The following GALNT14 variants were observed in gnomAD, a reference collection of about 807,000 sequenced individuals.
The protein encoded by GALNT14 is polypeptide N-acetylgalactosaminyltransferase 14, also known as UDP-GalNAc:polypeptide N-acetylgalactosaminyltransferase 14.
In GALNT14, 60 loss-of-function variants were observed where a neutral mutation model predicts 77.5. The observed-to-expected ratio is 0.77, with a 90% CI of 0.63 to 0.96. The LOEUF (loss-of-function observed/expected upper bound fraction) is 0.96, where lower values mean the gene tolerates loss of function less well. Ranked by LOEUF, GALNT14 falls within the 40% of genes least tolerant of loss-of-function variation. GALNT14 has a pLI of 0.00. For synonymous variants in GALNT14, 280 were observed against 281.7 expected (o/e 0.99, Z 0.06); for missense variants, 710 against 731.0 (o/e 0.97, Z 0.33).
At chr2:31,125,329 T>C (rs1678653767) in intron 1 of GALNT14, 1 of 1,057,348 alleles carries the variant, frequency 9.5e-7, no homozygotes, top group African/African-American at 1.6e-5. Context: ...TTCACAGAGA[T>C]CTTACCCCTC....
chr2:31,113,144 T>C (rs895681602), intron 1 of GALNT14, among the ~76,000 whole-genome samples: 5 of 152,218 alleles, frequency 3.3e-5, no homozygotes, highest in African/African-American at 1.2e-4. Context: ...GAAGTTTCTA[T>C]CATTCACTGT....
chr2:30,951,284 T>C (rs573245921), intron 6 of GALNT14, among the ~76,000 whole-genome samples: 2 of 152,282 alleles, frequency 1.3e-5, no homozygotes, highest in Admixed American at 1.3e-4. Context: ...CCAATATCCA[T>C]ACAACATGGA....
chr2:30,959,049 T>C (rs1488741853), intron 3 of GALNT14, among the ~76,000 whole-genome samples: 7 of 152,114 alleles, frequency 4.6e-5, no homozygotes, highest in South Asian at 2.1e-4. Flanking sequence ...CCACCTCCCA[T>C]GCCCAGTGCC....
intron 1 of GALNT14, among the ~76,000 whole-genome samples, chr2:31,066,763 C>T (rs1166286346): frequency 6.6e-6 from 1 of 152,038 alleles, no homozygotes; most frequent in Admixed American, 6.5e-5. Flanking sequence ...ACCCCCCACC[C>T]CCCACCAAGG....
At chr2:30,898,382 G>A in the GALNT14 span, among the ~76,000 whole-genome samples, 1 of 152,212 alleles carries the variant, frequency 6.6e-6, no homozygotes, top group Non-Finnish European at 1.5e-5. Flanking sequence ...GGGACCTGAT[G>A]TTTAATCCTC....
intron 9 of GALNT14, among the ~76,000 whole-genome samples, chr2:30,939,726 G>C (rs2148274418): frequency 6.6e-6 from 1 of 152,256 alleles, no homozygotes; most frequent in South Asian, 2.1e-4. Context: ...GAGGGCAGTT[G>C]ATCTGCAGGA....
intron 1 of GALNT14, among the ~76,000 whole-genome samples, chr2:31,133,302 T>A (rs552173541): frequency 1.3e-5 from 2 of 152,196 alleles, no homozygotes; most frequent in African/African-American, 2.4e-5. Context: ...CTGGACAGAG[T>A]CCAATATGCA....
intron 1 of GALNT14, among the ~76,000 whole-genome samples, chr2:31,074,621 T>C (rs1045903168): frequency 1.3e-5 from 2 of 152,038 alleles, no homozygotes; most frequent in Non-Finnish European, 2.9e-5. Flanking sequence ...CATCCTGCAG[T>C]AGTGGCTACT....
At chr2:31,005,210 T>C (rs1157598274) in intron 1 of GALNT14, among the ~76,000 whole-genome samples, 2 of 152,242 alleles carry the variant, frequency 1.3e-5, no homozygotes, top group East Asian at 3.8e-4. Context: ...GGATCCTTTG[T>C]TGTTTTCAAC....
chr2:31,095,974 T>C (rs1047840963), intron 1 of GALNT14, among the ~76,000 whole-genome samples: 2 of 152,164 alleles, frequency 1.3e-5, no homozygotes, highest in African/African-American at 4.8e-5. Flanking sequence ...AAGGGTGCGT[T>C]CCTTCTAGAG....
chr2:31,092,756 G>T (rs1676816302), intron 1 of GALNT14, among the ~76,000 whole-genome samples: 1 of 152,160 alleles, frequency 6.6e-6, no homozygotes, highest in African/African-American at 2.4e-5. Context: ...AAAAACAAAT[G>T]TACAGTGTAG....
intron 13 of GALNT14, among the ~76,000 whole-genome samples, chr2:30,919,220 A>T (rs897608970): frequency 1.3e-5 from 2 of 151,044 alleles, no homozygotes; most frequent in African/African-American, 4.9e-5. Flanking sequence ...CGGGCTTCAC[A>T]TGTTTACAAA....
At chr2:30,887,864 T>C in the GALNT14 span, among the ~76,000 whole-genome samples, 1 of 152,210 alleles carries the variant, frequency 6.6e-6, no homozygotes, top group Non-Finnish European at 1.5e-5. Context: ...CATTGATACC[T>C]TTTGAGCTAA....
chr2:30,922,235 G>T (rs1383325119), intron 13 of GALNT14, among the ~76,000 whole-genome samples: 2 of 84,166 alleles, frequency 2.4e-5, no homozygotes, highest in Non-Finnish European at 5.3e-5. Flanking sequence ...AGAAAGTCCA[G>T]GTAGGAGATC....
intron 2 of GALNT14, among the ~76,000 whole-genome samples, chr2:30,982,952 G>A (rs1573088743): frequency 6.6e-6 from 1 of 152,186 alleles, no homozygotes; most frequent in East Asian, 1.9e-4. Flanking sequence ...AAACTCAACA[G>A]TATTGTCTTC....
intron 1 of GALNT14, among the ~76,000 whole-genome samples, chr2:31,028,910 T>A (rs994803169): frequency 6.6e-6 from 1 of 152,088 alleles, no homozygotes; most frequent in Non-Finnish European, 1.5e-5. Flanking sequence ...AGCTTAAAGT[T>A]GAGGGATTGG....
intron 1 of GALNT14, among the ~76,000 whole-genome samples, chr2:31,000,644 T>C (rs541491741): frequency 1.2e-4 from 18 of 152,302 alleles, no homozygotes; most frequent in African/African-American, 4.3e-4. Flanking sequence ...TCCTTCTTGC[T>C]TGGGGAGGTC....
intron 6 of GALNT14, among the ~76,000 whole-genome samples, chr2:30,952,252 T>C (rs1387144632): frequency 6.6e-6 from 1 of 152,200 alleles, no homozygotes; most frequent in African/African-American, 2.4e-5. Context: ...TGGATGTCTT[T>C]GCATGATAGA....
At chr2:31,054,081 A>G (rs1294840046) in intron 1 of GALNT14, among the ~76,000 whole-genome samples, 1 of 152,192 alleles carries the variant, frequency 6.6e-6, no homozygotes, top group Non-Finnish European at 1.5e-5. Context: ...TATCAGGGAG[A>G]GCAAGTCAGC....
Sources: allele counts gnomAD v4.1 joint callset (sites outside exome capture counted in the v4.1 genomes callset), GRCh38; gene constraint gnomAD v4.1.1; transcripts MANE v1.5; gene names NCBI Gene and HGNC (gene_info 2026-07-23, HGNC 2026-07-21).